CYFIP1: variants seen among roughly 807,000 people sequenced by gnomAD.
CYFIP1 encodes cytoplasmic FMR1 interacting protein 1, also known as cytoplasmic FMR1-interacting protein 1.
In CYFIP1, 58 loss-of-function variants were observed where a neutral mutation model predicts 163.5. The ratio of observed to expected loss-of-function variants is 0.35; its 90% CI spans 0.29 to 0.44. The LOEUF is 0.44. CYFIP1 is among the 20% of genes least tolerant of loss of function. The pLI is 1.00. For missense variants in CYFIP1, 1,338 were observed against 1,653.8 expected (o/e 0.81, Z 3.31); for synonymous variants, 663 against 660.7 (o/e 1.00, Z -0.05).
At chr15:22,972,648 A>T (rs2063140899) in intron 1 of CYFIP1, among the ~76,000 whole-genome samples, 1 of 152,318 alleles carries the variant, frequency 6.6e-6, no homozygotes, top group Middle Eastern at 3.4e-3. Flanking sequence ...AAAACTAGAT[A>T]CACACATACA....
chr15:22,876,413 C>T (rs906773309), intron 26 of CYFIP1, among the ~76,000 whole-genome samples: 12 of 152,002 alleles, frequency 7.9e-5, no homozygotes, highest in African/African-American at 2.7e-4. Flanking sequence ...GCACAGAAAC[C>T]GTGCCTTTAA....
At chr15:22,936,866 G>A (rs536019887) in intron 9 of CYFIP1, among the ~76,000 whole-genome samples, 1 of 152,172 alleles carries the variant, frequency 6.6e-6, no homozygotes, top group Non-Finnish European at 1.5e-5. Context: ...GCTGGACGCA[G>A]AAGAGTACAA....
chr15:22,958,953 G>C (rs74003065), intron 1 of CYFIP1, among the ~76,000 whole-genome samples: 2,559 of 152,302 alleles, frequency 0.017, 82 homozygotes, highest in African/African-American at 0.059. Flanking sequence ...ATCGCTCATA[G>C]AACACCCAAG....
At chr15:22,931,246 G>T (rs146730402) in intron 11 of CYFIP1, among the ~76,000 whole-genome samples, 2 of 152,140 alleles carry the variant, frequency 1.3e-5, no homozygotes, top group African/African-American at 4.8e-5. Flanking sequence ...CCTAAAACCC[G>T]CAGTCCCTGC....
chr15:22,884,207 CTT>C (rs1430851145), intron 23 of CYFIP1, among the ~76,000 whole-genome samples: 1 of 152,204 alleles, frequency 6.6e-6, no homozygotes, highest in Non-Finnish European at 1.5e-5. Flanking sequence ...GCCCCAAAGT[CTT>C]AACTCATTCC....
At chr15:22,942,984 C>T (rs902875120) in intron 6 of CYFIP1, among the ~76,000 whole-genome samples, 189 bp downstream of exon 6, 1 of 152,222 alleles carries the variant, frequency 6.6e-6, no homozygotes, top group Non-Finnish European at 1.5e-5. Flanking sequence ...ACGATATGCA[C>T]TTATCTGCTG....
intron 3 of CYFIP1, 56 bp from the exon 4 acceptor site, chr15:22,944,995 A>G (rs1372931005): frequency 3.4e-6 from 5 of 1,477,038 alleles, no homozygotes; most frequent in Non-Finnish European, 4.7e-6. Flanking sequence ...CATGAAAAGC[A>G]GATGCCAGTT....
At chr15:22,878,120 C>T (rs2059636432) in intron 26 of CYFIP1, among the ~76,000 whole-genome samples, 1 of 152,160 alleles carries the variant, frequency 6.6e-6, no homozygotes, top group African/African-American at 2.4e-5. Flanking sequence ...GAAAGGCCTC[C>T]CCAGGCAGCT....
intron 23 of CYFIP1, among the ~76,000 whole-genome samples, chr15:22,885,803 C>T (rs910855645): frequency 6.6e-6 from 1 of 152,130 alleles, no homozygotes; most frequent in East Asian, 1.9e-4. Context: ...CACATCTTCC[C>T]GCCTTCTTTG....
intron 28 of CYFIP1, 142 bp from the exon 29 acceptor site, chr15:22,873,871 A>G (rs903405743): frequency 4.0e-6 from 3 of 751,506 alleles, no homozygotes; most frequent in Non-Finnish European, 6.7e-6. Flanking sequence ...AGCTCGCTGC[A>G]GCCTTGACTT....
intron 11 of CYFIP1, among the ~76,000 whole-genome samples, chr15:22,930,389 C>CAAAGAAAAAAAAAAAA (rs869052648): frequency 1.8e-5 from 2 of 114,082 alleles, no homozygotes; most frequent in African/African-American, 6.3e-5. Context: ...CCGTCTCACC[C>CAAAGAAAAAAAAAAAA]AAAAAAAAAA....
chr15:22,867,941 C>G lies in CYFIP1; in HGVS notation c.*2087G>C, dbSNP rs1327591315. ...CTAATGAACTCCATTCAGCTTTGAA[C>G]CTATCCACTCATAACCATTGACTGG... On this transcript the variant is annotated 3_prime_UTR_variant, in exon 31 of 31. Transcript: ENST00000617928. 6.6e-6 allele frequency: 1 copy of G among 152,214 alleles called. No individual in the cohort carries two copies. The highest frequency in any genetic ancestry group is 1.5e-5 in the Non-Finnish European group (1 of 68,038). 9.4% of individuals were successfully genotyped at this position (152,214 alleles called of 1,614,324 possible). A position where few individuals can be genotyped will look rare whatever the true frequency, so the allele number is the denominator to read the frequency against.
chr15:22,972,093 T>C (rs1347768801), intron 1 of CYFIP1, among the ~76,000 whole-genome samples: 1 of 152,124 alleles, frequency 6.6e-6, no homozygotes, highest in African/African-American at 2.4e-5. Flanking sequence ...GCAAAAGCTA[T>C]CCTGAGCAAA....
rs772536630 is a variant in CYFIP1, at chr15:22,874,611, A to G, written c.3149T>C (p.Leu1050Pro). ...GERLDAKMKRLESKYAPLHLV... is the reference protein window; with the variant it reads ...GERLDAKMKRPESKYAPLHLV... ...ATGCAGCGGGGCGTACTTTGATTCT[A>G]GTCTTTTCATTTTGGCATCAAGTCT... Residue 1050 changes from leucine (L) to proline (P), a missense_variant, in exon 28 of 31, where the codon CTA (leucine) becomes CCA (proline). Physicochemically the swap from Leu to Pro is moderately conservative, Grantham distance 98. This residue lies in a region of CYFIP1 where 306 missense variants were observed against 322.1 expected (regional missense o/e 0.95). Coordinates refer to ENST00000617928, the MANE Select transcript of CYFIP1 (RefSeq NM_014608.6). The G allele has an allele frequency of 6.2e-7, 1 of 1,605,338 alleles. No individual in the cohort carries two copies. Among genetic ancestry groups the G allele is most frequent in the Non-Finnish European group, 8.5e-7 (1 of 1,176,922 alleles).
In CYFIP1 at chr15:22,867,429, C is replaced by T. The variant is rs1252231859; in HGVS notation, c.*2599G>A. 1 of 368,322 alleles carries T rather than the reference C, an allele frequency of 2.7e-6. No homozygotes were observed. Among genetic ancestry groups the T allele is most frequent in the East Asian group, 3.9e-5 (1 of 25,768 alleles). The allele number at this position is 368,322 out of a possible 1,614,324, so 22.8% of individuals were successfully genotyped here. On this transcript the variant is annotated 3_prime_UTR_variant, in exon 31 of 31. Transcript: ENST00000617928. The stretch of plus-strand genomic sequence containing the variant: ...GAAATCACCCCAAGGAACGATTTCT[C>T]AGGTTGAGATGATCACCGTGAATCC...
rs1416191606 is a variant in CYFIP1, at chr15:22,897,486, T to TG, written c.2589-4510_2589-4509insC. Among the ~76,000 whole-genome samples the TG allele has an allele frequency of 5.3e-5, 8 of 151,206 alleles. No homozygotes were observed. The East Asian group carries it at 1.2e-3, about 22-fold the overall frequency. On this transcript the variant is annotated intron_variant, in intron 22 of 30. Transcript: ENST00000617928. ...GGGTGTTCAACAGGGTTGTTTTTTT[T>TG]TTTTGTTTGTGTTGTTTTTTAAAGA...
intron 6 of CYFIP1, among the ~76,000 whole-genome samples, chr15:22,939,751 G>T (rs2346694): frequency 0.8 from 122,203 of 151,940 alleles, 49,664 homozygotes; most frequent in African/African-American, 0.92. Context: ...CTCTCCACCC[G>T]GCTGGTCACA....
chr15:22,933,505 G>A (rs538619728), intron 10 of CYFIP1, among the ~76,000 whole-genome samples: 248 of 151,076 alleles, frequency 1.6e-3, no homozygotes, highest in African/African-American at 5.5e-3. Flanking sequence ...TAGTAGAGAC[G>A]GGGTTTCACC....
chr15:22,961,222 A>G (rs2062670429), intron 1 of CYFIP1, among the ~76,000 whole-genome samples: 1 of 151,798 alleles, frequency 6.6e-6, no homozygotes, highest in Admixed American at 6.6e-5. Context: ...GGGTTTCACC[A>G]TGTTGGCCAG....
Sources: gnomAD v4.1 joint callset for allele counts (sites outside exome capture counted in the v4.1 genomes callset) on GRCh38, gnomAD v4.1.1 for gene constraint, gnomAD v4.1.1 regional missense constraint, MANE v1.5 for transcripts, NCBI Gene and HGNC (gene_info 2026-07-23, HGNC 2026-07-21) for gene names.